Variants in BCOR observed in about 807,000 individuals in gnomAD.
BCOR encodes the protein BCL6 corepressor, also known as BCL-6 corepressor.
BCOR carries 10 observed loss-of-function variants against 86.7 expected under a neutral mutation model. The ratio of observed to expected loss-of-function variants is 0.12; its 90% CI spans 0.07 to 0.20. The LOEUF (loss-of-function observed/expected upper bound fraction) is 0.20. Ranked by LOEUF, BCOR falls within the 10% of genes least tolerant of loss-of-function variation. The pLI is 1.00. For missense variants in BCOR, 1,259 were observed against 1,452.1 expected, an observed-to-expected ratio of 0.87 and a Z score of 2.16; for synonymous variants, 611 against 609.0, an observed-to-expected ratio of 1.00 and a Z score of -0.05.
chrX:40,063,479 C>T, intron 8 of BCOR, 129 bp downstream of exon 8: 1 of 558,006 alleles, frequency 1.8e-6, no homozygotes, highest in Non-Finnish European at 3.0e-6. Context: ...GAACTCCCTG[C>T]CTGCCACATC....
chrX:40,169,663 C>A (rs187381153), intron 1 of BCOR, among the ~76,000 whole-genome samples: 1 of 111,448 alleles, frequency 9.0e-6, no homozygotes, highest in African/African-American at 3.3e-5. Context: ...ACAATCCCCC[C>A]CCTACTGGTC....
intron 10 of BCOR, among the ~76,000 whole-genome samples, chrX:40,058,438 G>A (rs1204645800): frequency 9.0e-6 from 1 of 111,574 alleles, no homozygotes; most frequent in African/African-American, 3.3e-5. Flanking sequence ...TGGCAAGGGG[G>A]GAGCTTGATG....
chrX:40,174,177 C>G (rs747594468), intron 1 of BCOR, among the ~76,000 whole-genome samples: 1 of 112,805 alleles, frequency 8.9e-6, no homozygotes, highest in Non-Finnish European at 1.9e-5. Flanking sequence ...CGGCGTTTGC[C>G]TAATCACTGA....
intron 1 of BCOR, among the ~76,000 whole-genome samples, chrX:40,169,731 C>A (rs1232394156): frequency 9.0e-6 from 1 of 111,565 alleles, no homozygotes; most frequent in African/African-American, 3.3e-5. Flanking sequence ...CGGAGGTAAA[C>A]AGGCTTTCTG....
At chrX:40,139,483 ATATATATATATATATTT>A (rs1181038697) in intron 1 of BCOR, among the ~76,000 whole-genome samples, 2 of 14,836 alleles carry the variant, frequency 1.3e-4, no homozygotes, top group African/African-American at 6.4e-4. Flanking sequence ...ATATATATAT[ATATATATATATATATTT>A]TTTTTTTTTT....
chrX:40,055,013 A>G (rs1216016446), intron 12 of BCOR, among the ~76,000 whole-genome samples: 1 of 112,362 alleles, frequency 8.9e-6, no homozygotes, highest in Admixed American at 9.4e-5. Flanking sequence ...GGCTTAAGTA[A>G]TGGGTTATCT....
intron 1 of BCOR, among the ~76,000 whole-genome samples, chrX:40,168,207 G>A (rs757003064): frequency 8.8e-4 from 100 of 113,103 alleles, no homozygotes; most frequent in African/African-American, 3.1e-3. Flanking sequence ...CTTTTCTTCC[G>A]TCCTTTATGT....
chrX:40,066,186 C>T (rs961312629), intron 6 of BCOR, among the ~76,000 whole-genome samples: 5 of 111,794 alleles, frequency 4.5e-5, no homozygotes, highest in African/African-American at 1.6e-4. Context: ...TGGAATACCA[C>T]CCCAGGTCTC....
chrX:40,127,953 G>A (rs1254621757), intron 1 of BCOR, among the ~76,000 whole-genome samples: 1 of 111,060 alleles, frequency 9.0e-6, no homozygotes, highest in Non-Finnish European at 1.9e-5. Flanking sequence ...GAGGCCGAGC[G>A]CTGTGGCTCA....
intron 1 of BCOR, among the ~76,000 whole-genome samples, chrX:40,129,534 C>T (rs143806695): frequency 0.016 from 1,741 of 109,607 alleles, 47 homozygotes; most frequent in African/African-American, 0.055. Flanking sequence ...GGGGGCCAGG[C>T]CTCAGTGGCA....
chrX:40,103,619 A>G (rs1180350659), intron 1 of BCOR, among the ~76,000 whole-genome samples: 4 of 109,588 alleles, frequency 3.7e-5, no homozygotes, highest in Non-Finnish European at 7.5e-5. Flanking sequence ...TGTACCAGAA[A>G]GGCCTGGGGG....
At chrX:40,143,840 C>T (rs896546939) in intron 1 of BCOR, among the ~76,000 whole-genome samples, 1 of 112,107 alleles carries the variant, frequency 8.9e-6, no homozygotes, top group Non-Finnish European at 1.9e-5. Context: ...CCTGGTAATC[C>T]CAGCTACTCG....
chrX:40,092,058 T>C (rs1411053022), intron 1 of BCOR, among the ~76,000 whole-genome samples: 1 of 112,119 alleles, frequency 8.9e-6, no homozygotes, highest in Non-Finnish European at 1.9e-5. Context: ...CCTTTCGGCC[T>C]CGGGCCGGAG....
chrX:40,080,356 G>T (rs756959606), intron 1 of BCOR, among the ~76,000 whole-genome samples: 3 of 110,871 alleles, frequency 2.7e-5, no homozygotes, highest in Non-Finnish European at 5.7e-5. Context: ...CAGGAGAATC[G>T]CTGGAACCTG....
chrX:40,159,106 T>C (rs1225431952), intron 1 of BCOR, among the ~76,000 whole-genome samples: 2 of 112,096 alleles, frequency 1.8e-5, no homozygotes, highest in Non-Finnish European at 3.8e-5. Flanking sequence ...AAAGATTTAC[T>C]AATACTGAAT....
At chrX:40,095,187 A>G (rs1936801276) in intron 1 of BCOR, among the ~76,000 whole-genome samples, 1 of 111,983 alleles carries the variant, frequency 8.9e-6, no homozygotes, top group African/African-American at 3.2e-5. Context: ...CCTGCCCAAA[A>G]TAAACACGAA....
chrX:40,104,775 C>T (rs1307782319), intron 1 of BCOR, among the ~76,000 whole-genome samples: 1 of 113,244 alleles, frequency 8.8e-6, no homozygotes, highest in Non-Finnish European at 1.9e-5. Context: ...TCCTCTCGCC[C>T]TTCCCCGAAA....
chrX:40,084,870 C>G (rs750929661), intron 1 of BCOR, among the ~76,000 whole-genome samples: 3 of 112,407 alleles, frequency 2.7e-5, no homozygotes, highest in Non-Finnish European at 5.6e-5. Flanking sequence ...ACTGATTGTG[C>G]AGAGCCTGGG....
chrX:40,108,150 C>A (rs922531970), intron 1 of BCOR, among the ~76,000 whole-genome samples: 4 of 112,669 alleles, frequency 3.6e-5, no homozygotes, highest in African/African-American at 1.3e-4. Flanking sequence ...TAAAATCGGG[C>A]GGCCTAATCG....
Sources: allele counts gnomAD v4.1 joint callset (sites outside exome capture counted in the v4.1 genomes callset), GRCh38; gene constraint gnomAD v4.1.1; transcripts MANE v1.5; gene names NCBI Gene and HGNC (gene_info 2026-07-23, HGNC 2026-07-21).